The following RMDN2 variants were observed in gnomAD, a reference collection of about 807,000 sequenced individuals.
RMDN2 encodes regulator of microtubule dynamics 2.
A neutral mutation model predicts 52.8 loss-of-function variants in RMDN2; 61 were observed. That is an observed-to-expected ratio of 1.16 (90% CI 0.94 to 1.43). The LOEUF is 1.43. Ranked by LOEUF, RMDN2 falls within the 40% of genes most tolerant of loss-of-function variation. RMDN2 has a pLI of 0.00. For missense variants in RMDN2, 592 were observed against 475.3 expected, an observed-to-expected ratio of 1.25 and a Z score of -2.28; for synonymous variants, 180 against 153.1, an observed-to-expected ratio of 1.18 and a Z score of -1.30.
intron 10 of RMDN2, among the ~76,000 whole-genome samples, chr2:38,040,045 C>CATT (rs60031771): frequency 0.16 from 23,332 of 141,454 alleles, 1,951 homozygotes; most frequent in Non-Finnish European, 0.18. Flanking sequence ...TGTCTAGATT[C>CATT]ATTATTATTA....
chr2:38,043,189 A>G (rs1681070687), intron 10 of RMDN2, among the ~76,000 whole-genome samples: 1 of 152,204 alleles, frequency 6.6e-6, no homozygotes, highest in Non-Finnish European at 1.5e-5. Context: ...ATGTGTGTAC[A>G]CATTGAGGAT....
At chr2:38,006,762 A>AG (rs1323436104) in intron 10 of RMDN2, among the ~76,000 whole-genome samples, 1 of 152,090 alleles carries the variant, frequency 6.6e-6, no homozygotes, top group Non-Finnish European at 1.5e-5. Context: ...GTGGTGAGAG[A>AG]GGGCATCCCT....
At chr2:37,951,502 G>C (rs1305460400) in intron 2 of RMDN2, 1 of 1,611,980 alleles carries the variant, frequency 6.2e-7, no homozygotes, top group Admixed American at 1.7e-5. Context: ...CAACAAAGTA[G>C]AGCTAACTTT....
chr2:37,963,820 G>C (rs1670624098), intron 2 of RMDN2, among the ~76,000 whole-genome samples: 1 of 152,142 alleles, frequency 6.6e-6, no homozygotes, highest in African/African-American at 2.4e-5. Flanking sequence ...CGTTCTCAAT[G>C]AGCTGTTGGG....
intron 2 of RMDN2, among the ~76,000 whole-genome samples, chr2:37,972,545 A>G (rs1285827518): frequency 6.6e-6 from 1 of 152,116 alleles, no homozygotes; most frequent in Non-Finnish European, 1.5e-5. Flanking sequence ...TTAGGTTTTC[A>G]CTCTGACTTG....
intron 5 of RMDN2, among the ~76,000 whole-genome samples, chr2:37,981,780 A>G (rs1673351849): frequency 2.6e-5 from 4 of 152,162 alleles, no homozygotes. Flanking sequence ...AAGTTCAAAC[A>G]AAGAGAATTT....
In RMDN2 at chr2:37,990,832, C is replaced by T. The variant is rs115512444; in HGVS notation, c.868-388C>T. ...GATAATGCCAGAGGAATAGGTTTCT[C>T]CCCCATCTAACTCTGCTATTTTTTC... On this transcript the variant is annotated intron_variant, in intron 6 of 10. Transcript: ENST00000354545. Among the ~76,000 whole-genome samples the T allele has an allele frequency of 2.9e-3, 447 of 152,248 alleles. 1 individual carries two copies. The highest frequency in any genetic ancestry group is 0.01 in the African/African-American group (416 of 41,540).
chr2:38,046,631 G>GA (rs1174253687), intron 10 of RMDN2, among the ~76,000 whole-genome samples: 5 of 151,850 alleles, frequency 3.3e-5, no homozygotes, highest in Non-Finnish European at 7.4e-5. Context: ...AGCAACAAGA[G>GA]AAAAAAAGAC....
intron 4 of RMDN2, among the ~76,000 whole-genome samples, chr2:37,979,863 TA>T (rs1162674444): frequency 6.6e-6 from 1 of 152,210 alleles, no homozygotes; most frequent in Non-Finnish European, 1.5e-5. Flanking sequence ...ATTTAGTTTT[TA>T]ATGTTTTTAC....
At chr2:37,960,334 G>GTT (rs1670038988) in intron 2 of RMDN2, among the ~76,000 whole-genome samples, 2 of 118,308 alleles carry the variant, frequency 1.7e-5, no homozygotes, top group African/African-American at 7.7e-5. Flanking sequence ...TCCTGTATTG[G>GTT]GTGTATATAT....
intron 5 of RMDN2, among the ~76,000 whole-genome samples, chr2:37,983,965 G>A (rs1354327936): frequency 6.6e-6 from 1 of 152,102 alleles, no homozygotes; most frequent in Non-Finnish European, 1.5e-5. Flanking sequence ...CAAAAGACTG[G>A]CCCCAAAGTC....
intron 4 of RMDN2, among the ~76,000 whole-genome samples, chr2:37,977,935 C>G (rs1209912000): frequency 2.0e-5 from 3 of 152,138 alleles, no homozygotes; most frequent in African/African-American, 7.2e-5. Context: ...CGGGCAGAGG[C>G]TGCAATCTCG....
intron 10 of RMDN2, among the ~76,000 whole-genome samples, chr2:38,060,926 C>A (rs1022151241): frequency 6.6e-6 from 1 of 152,152 alleles, no homozygotes; most frequent in Admixed American, 6.6e-5. Flanking sequence ...CTTTTTCAAT[C>A]AGATATAATA....
At chr2:38,055,048 T>C (rs939101669) in intron 10 of RMDN2, among the ~76,000 whole-genome samples, 1 of 152,184 alleles carries the variant, frequency 6.6e-6, no homozygotes, top group Non-Finnish European at 1.5e-5. Flanking sequence ...ATATTATCAG[T>C]TTTGTATTGC....
chr2:37,920,926 G>A (rs1666013856), upstream of RMDN2, among the ~76,000 whole-genome samples: 3 of 152,284 alleles, frequency 2.0e-5, no homozygotes, highest in African/African-American at 4.8e-5. Context: ...AATCATCACC[G>A]AAATACTGCG....
chr2:37,943,774 T>G (rs755919513), intron 2 of RMDN2, among the ~76,000 whole-genome samples: 2 of 152,212 alleles, frequency 1.3e-5, no homozygotes, highest in Admixed American at 6.5e-5. Flanking sequence ...CTAAATTAAC[T>G]TTGCGAAGTT....
chr2:38,006,840 T>A (rs1573053156), intron 10 of RMDN2, among the ~76,000 whole-genome samples: 1 of 152,186 alleles, frequency 6.6e-6, no homozygotes, highest in Non-Finnish European at 1.5e-5. Context: ...TGGCTGTGGG[T>A]TTGTCATAGA....
At chr2:38,065,260 A>C (rs1406785938) in intron 10 of RMDN2, among the ~76,000 whole-genome samples, 1 of 152,242 alleles carries the variant, frequency 6.6e-6, no homozygotes, top group Non-Finnish European at 1.5e-5. Flanking sequence ...ATATATATTC[A>C]AAACAATAAT....
intron 3 of RMDN2, chr2:37,974,763 C>G (rs757814120): frequency 1.8e-3 from 287 of 159,212 alleles, no homozygotes; most frequent in Admixed American, 6.4e-3. Flanking sequence ...AACTTGATAG[C>G]TCTCCAGGAT....
Sources: allele counts gnomAD v4.1 joint callset (sites outside exome capture counted in the v4.1 genomes callset), GRCh38; gene constraint gnomAD v4.1.1; transcripts MANE v1.5; gene names NCBI Gene and HGNC (gene_info 2026-07-23, HGNC 2026-07-21).